THSD7B: variants seen among roughly 807,000 people sequenced by gnomAD.
The protein encoded by THSD7B is thrombospondin type-1 domain-containing protein 7B.
THSD7B carries 138 observed loss-of-function variants against 213.6 expected under a neutral mutation model. That is an observed-to-expected ratio of 0.65 (90% CI 0.56 to 0.74). The LOEUF (loss-of-function observed/expected upper bound fraction) is 0.74, where lower values mean the gene tolerates loss of function less well. Among genes scored for constraint, THSD7B ranks in the 30% least tolerant of loss-of-function variants. THSD7B has a pLI of 0.00. For synonymous variants in THSD7B, 742 were observed against 687.0 expected (o/e 1.08, Z -1.25); for missense variants, 1,931 against 1,991.5 (o/e 0.97, Z 0.58).
Position 137,056,711 on chromosome 2 carries a change from G to A in THSD7B, c.431G>A (p.Arg144His), listed in dbSNP as rs147127072. The A allele has an allele frequency of 5.0e-6, 8 of 1,613,824 alleles. No homozygotes were observed. In the African/African-American group the frequency reaches 8.0e-5, roughly 16 times the overall value. ...CATGGACTGCAGCACCGGATGGTGCGCTGCATTCAGAAGCTGAACCGAACT... is the reference window on the plus strand; with the variant it reads ...CATGGACTGCAGCACCGGATGGTGCACTGCATTCAGAAGCTGAACCGAACT... ...AQHGLQHRMV[R>H]CIQKLNRTVV... is the part of the protein sequence containing the mutation. The change falls in exon 3 of 28, where the codon CGC (arginine) becomes CAC (histidine). Residue 144 changes from arginine to histidine, a missense_variant. Coordinates refer to ENST00000409968, the MANE Select transcript of THSD7B (RefSeq NM_001316349.2).
chr2:137,235,720 A>T (rs541290213), intron 9 of THSD7B, among the ~76,000 whole-genome samples: 26 of 152,334 alleles, frequency 1.7e-4, no homozygotes, highest in Non-Finnish European at 3.2e-4. Flanking sequence ...TTGTTTTAAA[A>T]TGTACATAAG....
At chr2:136,801,421 C>T (rs773306860) in intron 1 of THSD7B, among the ~76,000 whole-genome samples, 1 of 151,970 alleles carries the variant, frequency 6.6e-6, no homozygotes, top group Admixed American at 6.6e-5. Flanking sequence ...TCATTTGAGA[C>T]AGCATTGGGT....
intron 12 of THSD7B, among the ~76,000 whole-genome samples, chr2:137,336,636 A>C (rs947024920): frequency 1.3e-5 from 2 of 152,170 alleles, no homozygotes; most frequent in Non-Finnish European, 2.9e-5. Flanking sequence ...TGCTAAGACC[A>C]TGAGGAGCTG....
chr2:137,225,054 T>C (rs1418259956), intron 7 of THSD7B, among the ~76,000 whole-genome samples: 1 of 152,236 alleles, frequency 6.6e-6, no homozygotes, highest in African/African-American at 2.4e-5. Flanking sequence ...TTTACTTCTA[T>C]CAGTTCTTAG....
At chr2:137,538,473 A>C (rs144817768) in intron 15 of THSD7B, 2 of 517,614 alleles carry the variant, frequency 3.9e-6, no homozygotes, top group Non-Finnish European at 7.7e-6. Context: ...CACTGCTAAC[A>C]TGGACTTCTA....
chr2:137,202,423 A>G (rs755208142), intron 7 of THSD7B, among the ~76,000 whole-genome samples: 3 of 152,150 alleles, frequency 2.0e-5, no homozygotes, highest in Non-Finnish European at 4.4e-5. Flanking sequence ...CCCAGAAGAG[A>G]AGACACAGAG....
intron 3 of THSD7B, among the ~76,000 whole-genome samples, chr2:137,068,877 T>G (rs1040849866): frequency 6.6e-6 from 1 of 152,066 alleles, no homozygotes; most frequent in Non-Finnish European, 1.5e-5. Context: ...TTCTATAATG[T>G]AAACTCCTGT....
At chr2:137,463,817 T>G (rs1477474516) in intron 15 of THSD7B, among the ~76,000 whole-genome samples, 1 of 152,094 alleles carries the variant, frequency 6.6e-6, no homozygotes, top group Non-Finnish European at 1.5e-5. Context: ...TCATCTTCAC[T>G]TGGGAGGGCT....
intron 1 of THSD7B, among the ~76,000 whole-genome samples, chr2:136,769,060 A>C (rs559131117): frequency 6.6e-6 from 1 of 152,198 alleles, no homozygotes; most frequent in Non-Finnish European, 1.5e-5. Flanking sequence ...GATGATAAGC[A>C]TTCTATTCCC....
chr2:137,159,888 G>T (rs945302072), intron 5 of THSD7B, among the ~76,000 whole-genome samples: 8 of 151,988 alleles, frequency 5.3e-5, no homozygotes, highest in African/African-American at 1.7e-4. Flanking sequence ...ACTTCACAAA[G>T]CCATTTAATT....
At chr2:137,661,839 C>T (rs931812094) in intron 25 of THSD7B, among the ~76,000 whole-genome samples, 1 of 152,052 alleles carries the variant, frequency 6.6e-6, no homozygotes, top group Admixed American at 6.5e-5. Context: ...CAGTGGCCTG[C>T]CAGGACTTGG....
At chr2:137,625,427 A>T (rs1682605470) in intron 20 of THSD7B, among the ~76,000 whole-genome samples, 1 of 152,098 alleles carries the variant, frequency 6.6e-6, no homozygotes, top group African/African-American at 2.4e-5. Context: ...ATACCTATGT[A>T]ACAAACCTGC....
At chr2:136,832,187 G>GTT (rs1682767940) in intron 1 of THSD7B, among the ~76,000 whole-genome samples, 1 of 74,970 alleles carries the variant, frequency 1.3e-5, no homozygotes, top group Admixed American at 1.6e-4. Flanking sequence ...GTGTGTGTGT[G>GTT]TGTGTGTGTG....
chr2:137,039,192 T>G (rs2104859883), intron 2 of THSD7B, among the ~76,000 whole-genome samples: 1 of 152,230 alleles, frequency 6.6e-6, no homozygotes, highest in Admixed American at 6.5e-5. Flanking sequence ...TAGCAATGGG[T>G]TTCAAGCTCT....
intron 7 of THSD7B, among the ~76,000 whole-genome samples, chr2:137,183,204 G>C (rs1443754918): frequency 2.0e-5 from 3 of 152,090 alleles, no homozygotes; most frequent in African/African-American, 7.2e-5. Context: ...TAGATTTACA[G>C]AAACATTGAA....
chr2:137,482,307 T>G (rs868782564), intron 15 of THSD7B, among the ~76,000 whole-genome samples: 1 of 152,236 alleles, frequency 6.6e-6, no homozygotes, highest in South Asian at 2.1e-4. Flanking sequence ...AGAAACTAAT[T>G]TGTATTCTAA....
chr2:137,241,914 A>G (rs1681915594), intron 9 of THSD7B, among the ~76,000 whole-genome samples: 1 of 150,214 alleles, frequency 6.7e-6, no homozygotes, highest in African/African-American at 2.5e-5. Flanking sequence ...ATCTCAGGAA[A>G]AAAAAAAAAA....
At chr2:137,464,137 A>G (rs1687940334) in intron 15 of THSD7B, among the ~76,000 whole-genome samples, 1 of 152,056 alleles carries the variant, frequency 6.6e-6, no homozygotes, top group Non-Finnish European at 1.5e-5. Flanking sequence ...TAGGTCCATC[A>G]TAATTGATAG....
At chr2:136,878,928 C>A (rs1683570470) in intron 1 of THSD7B, among the ~76,000 whole-genome samples, 1 of 152,112 alleles carries the variant, frequency 6.6e-6, no homozygotes. Flanking sequence ...TAATTAGATC[C>A]CATTTGTCAA....
Sources: allele counts gnomAD v4.1 joint callset (sites outside exome capture counted in the v4.1 genomes callset), GRCh38; gene constraint gnomAD v4.1.1; transcripts MANE v1.5; gene names NCBI Gene and HGNC (gene_info 2026-07-23, HGNC 2026-07-21).